The following PDE4D variants were observed in gnomAD, a reference collection of about 807,000 sequenced individuals.
PDE4D encodes the protein phosphodiesterase 4D, also known as 3',5'-cyclic-AMP phosphodiesterase 4D.
Under a neutral mutation model 87.4 loss-of-function variants are expected in PDE4D, and 24 were observed. That is an observed-to-expected ratio of 0.27 (90% CI 0.20 to 0.39). The LOEUF (loss-of-function observed/expected upper bound fraction) is 0.39. Ranked by LOEUF, PDE4D falls within the 10% of genes least tolerant of loss-of-function variation. The pLI is 1.00. For synonymous variants in PDE4D, 384 were observed against 383.2 expected, an observed-to-expected ratio of 1.00 and a Z score of -0.02; for missense variants, 714 against 1,041.0, an observed-to-expected ratio of 0.69 and a Z score of 4.32.
At chr5:59,139,755 C>G (rs897835085) in intron 5 of PDE4D, among the ~76,000 whole-genome samples, 2 of 152,014 alleles carry the variant, frequency 1.3e-5, no homozygotes, top group African/African-American at 4.8e-5. Flanking sequence ...ACTAGGATTA[C>G]AGGTGTGAGC....
intron 1 of PDE4D, among the ~76,000 whole-genome samples, chr5:59,514,039 T>G (rs985119915): frequency 6.6e-6 from 1 of 151,880 alleles, no homozygotes; most frequent in Non-Finnish European, 1.5e-5. Context: ...TTAAATGAAA[T>G]CATGAAGCAA....
In PDE4D at chr5:58,990,841, T is replaced by C. The variant is rs766508184; in HGVS notation, c.1250A>G (p.Asn417Ser). The change falls in exon 9 of 15, where the codon AAC (asparagine) becomes AGC (serine). Residue 417 changes from asparagine (N) to serine (S), a missense_variant. Asn to Ser is a conservative substitution (Grantham distance 46). Around this residue, in one of 7 missense-constraint regions of PDE4D, gnomAD observed 141 missense variants for 204.3 expected, o/e 0.69. Transcript: ENST00000340635. ...HVFRIAELSGNRPLTVIMHTI... is the reference protein window; with the variant it reads ...HVFRIAELSGSRPLTVIMHTI... Reference sequence around the variant, plus strand: ...GTGCATGATAACAGTCAAGGGCCGGTTACCAGACAACTCTGCTATTCTGAA... The same window carrying C: ...GTGCATGATAACAGTCAAGGGCCGGCTACCAGACAACTCTGCTATTCTGAA... The C allele has an allele frequency of 2.5e-6, 4 of 1,606,322 alleles. No individual in the cohort carries two copies. The African/African-American group carries it at 4.0e-5, about 16-fold the overall frequency.
intron 2 of PDE4D, among the ~76,000 whole-genome samples, chr5:60,011,462 G>C (rs151019287): frequency 6.6e-6 from 1 of 152,196 alleles, no homozygotes; most frequent in East Asian, 1.9e-4. Flanking sequence ...TTATTCGTGA[G>C]TGCTGGGAAA....
chr5:60,230,339 T>C (rs1745651567), intron 1 of PDE4D, among the ~76,000 whole-genome samples: 1 of 152,098 alleles, frequency 6.6e-6, no homozygotes, highest in East Asian at 1.9e-4. Context: ...AGACTAGAGG[T>C]TCTGAAGAAA....
chr5:59,113,562 T>C (rs1229147599), intron 5 of PDE4D, among the ~76,000 whole-genome samples: 2 of 152,234 alleles, frequency 1.3e-5, no homozygotes, highest in African/African-American at 4.8e-5. Flanking sequence ...TCAAAATTTC[T>C]GAAAACTTAG....
intron 1 of PDE4D, among the ~76,000 whole-genome samples, chr5:60,473,376 G>C (rs1748007098): frequency 1.3e-5 from 2 of 149,938 alleles, no homozygotes; most frequent in Non-Finnish European, 3.0e-5. Flanking sequence ...TCAGACTTCA[G>C]ATATTAGATA....
At chr5:59,837,536 AT>A (rs1466055456) in intron 1 of PDE4D, among the ~76,000 whole-genome samples, 4 of 152,052 alleles carry the variant, frequency 2.6e-5, no homozygotes, top group African/African-American at 9.7e-5. Flanking sequence ...GAAAGTGTTT[AT>A]TATATGACTG....
intron 2 of PDE4D, among the ~76,000 whole-genome samples, chr5:60,002,824 A>T (rs560541507): frequency 4.8e-4 from 73 of 152,282 alleles, no homozygotes; most frequent in South Asian, 4.1e-4. Flanking sequence ...ACATCACACT[A>T]AATGGTGGAA....
intron 1 of PDE4D, among the ~76,000 whole-genome samples, chr5:59,401,033 A>G (rs1374805311): frequency 2.0e-5 from 3 of 152,070 alleles, no homozygotes; most frequent in Non-Finnish European, 4.4e-5. Context: ...TGAGATAGTG[A>G]CTCCTTTGCT....
At chr5:59,944,384 T>C (rs1256555924) in intron 3 of PDE4D, among the ~76,000 whole-genome samples, 1 of 152,130 alleles carries the variant, frequency 6.6e-6, no homozygotes, top group Admixed American at 6.5e-5. Context: ...TGTTTGTTTG[T>C]TGTTTTGAGA....
chr5:59,234,249 T>A (rs922918804), intron 1 of PDE4D, among the ~76,000 whole-genome samples: 1 of 152,216 alleles, frequency 6.6e-6, no homozygotes, highest in African/African-American at 2.4e-5. Context: ...TCTAGATAGA[T>A]TATGATATTC....
At chr5:59,215,501 A>G (rs772297131) in intron 2 of PDE4D, 87 of 370,504 alleles carry the variant, frequency 2.3e-4, no homozygotes, top group Non-Finnish European at 3.7e-4. Context: ...TCCATTAAAA[A>G]TTTAATTCTC....
intron 2 of PDE4D, among the ~76,000 whole-genome samples, chr5:60,097,893 C>T (rs766283689): frequency 2.6e-4 from 39 of 151,916 alleles, no homozygotes; most frequent in Admixed American, 7.2e-4. Context: ...TGTAGGCTAA[C>T]GGGGATAAAA....
At chr5:60,286,175 C>A (rs976554363) in intron 1 of PDE4D, among the ~76,000 whole-genome samples, 5 of 152,072 alleles carry the variant, frequency 3.3e-5, no homozygotes, top group African/African-American at 9.7e-5. Context: ...TTATAAGTGC[C>A]ACAAAAAACT....
At chr5:59,503,671 G>A (rs989333947) in intron 1 of PDE4D, among the ~76,000 whole-genome samples, 1 of 152,102 alleles carries the variant, frequency 6.6e-6, no homozygotes, top group Admixed American at 6.6e-5. Flanking sequence ...TAATTTTCAA[G>A]TTTGGTTTCA....
chr5:59,559,185 A>G (rs1420650083), intron 1 of PDE4D, among the ~76,000 whole-genome samples: 1 of 152,226 alleles, frequency 6.6e-6, no homozygotes, highest in East Asian at 1.9e-4. Flanking sequence ...GTACCTGTCC[A>G]TCCTTCACCT....
At chr5:60,182,989 TG>T (rs1784497679) in intron 2 of PDE4D, among the ~76,000 whole-genome samples, 1 of 151,434 alleles carries the variant, frequency 6.6e-6, no homozygotes, top group Non-Finnish European at 1.5e-5. Flanking sequence ...TTTTTGGAGG[TG>T]GGGTCTTTGG....
At chr5:60,138,761 T>A (rs1206023096) in intron 2 of PDE4D, among the ~76,000 whole-genome samples, 16 of 152,092 alleles carry the variant, frequency 1.1e-4, no homozygotes, top group Admixed American at 1.1e-3. Flanking sequence ...AAAGCCACAG[T>A]CATTAATATC....
At chr5:60,199,867 C>A (rs997183010) in intron 1 of PDE4D, among the ~76,000 whole-genome samples, 3 of 151,442 alleles carry the variant, frequency 2.0e-5, no homozygotes, top group Admixed American at 2.0e-4. Flanking sequence ...GGAAAGAGAC[C>A]CCATATTCCC....
Sources: gnomAD v4.1 joint callset for allele counts (sites outside exome capture counted in the v4.1 genomes callset) on GRCh38, gnomAD v4.1.1 for gene constraint, gnomAD v4.1.1 regional missense constraint, MANE v1.5 for transcripts, NCBI Gene and HGNC (gene_info 2026-07-23, HGNC 2026-07-21) for gene names.